NUP153: variants seen among roughly 807,000 people sequenced by gnomAD.
NUP153 encodes nuclear pore complex protein Nup153.
A neutral mutation model predicts 134.6 loss-of-function variants in NUP153; 27 were observed. The observed-to-expected ratio is 0.20, with a 90% CI of 0.15 to 0.28. The LOEUF is 0.28. NUP153 is among the 10% of genes least tolerant of loss of function. The pLI, the probability that NUP153 is intolerant of heterozygous loss-of-function variation, is 1.00. For synonymous variants in NUP153, 640 were observed against 623.5 expected, an observed-to-expected ratio of 1.03 and a Z score of -0.40; for missense variants, 1,821 against 1,731.3, an observed-to-expected ratio of 1.05 and a Z score of -0.92.
chr6:17,672,311 T>C (rs1767964622), intron 5 of NUP153, among the ~76,000 whole-genome samples: 1 of 152,040 alleles, frequency 6.6e-6, no homozygotes, highest in Non-Finnish European at 1.5e-5. Context: ...GGCCTGGTGG[T>C]TCATGCTTGT....
intron 18 of NUP153, 28 bp from the exon 19 acceptor site, chr6:17,626,192 A>G (rs971179161): frequency 3.2e-6 from 5 of 1,549,202 alleles, no homozygotes; most frequent in Non-Finnish European, 3.5e-6. Context: ...AGAAACAAAC[A>G]TAAATCCTTA....
chr6:17,682,913 C>T lies in NUP153; in HGVS notation c.334+5483G>A, dbSNP rs557674649. 6.5e-5 allele frequency among the ~76,000 whole-genome samples: 6 copies of T among 92,634 alleles called. No homozygotes were observed. In the East Asian group the frequency reaches 1.8e-3, roughly 28 times the overall value. The allele number at this position is 92,634 out of a possible 152,430, so 60.8% of individuals were successfully genotyped here. A position where few individuals can be genotyped will look rare whatever the true frequency, so the allele number is the denominator to read the frequency against. On this transcript the variant is annotated intron_variant, in intron 2 of 21. Transcript: ENST00000262077. ...AGAGTGGGTGACAGAGCAAGACTGT[C>T]TCAAAAAAGAAGAAAAAAAAAAAAA...
At chr6:17,649,110 T>C (rs2113799415) in intron 12 of NUP153, 53 bp downstream of exon 12, 9 of 1,479,620 alleles carry the variant, frequency 6.1e-6, no homozygotes, top group Middle Eastern at 1.8e-4. Flanking sequence ...TTTTTTTAAA[T>C]AAAGAATTAA....
At chr6:17,624,209 G>A (rs1434917283) in intron 20 of NUP153, among the ~76,000 whole-genome samples, 2 of 152,068 alleles carry the variant, frequency 1.3e-5, no homozygotes, top group Non-Finnish European at 2.9e-5. Flanking sequence ...TGGACCTGGG[G>A]GTAACTTCCT....
chr6:17,669,333 G>A lies in NUP153; in HGVS notation c.974C>T (p.Ala325Val), dbSNP rs748725398. Residue 325 changes from alanine to valine, a missense_variant, in exon 7 of 22, where the codon GCA becomes GTA. Transcript: ENST00000262077. Reference sequence around the variant, plus strand: ...AGAAACAATGGATGGAATTCTTTTTGCATCCTGTTAAAGTTGAAAAAATAA... The same window carrying A: ...AGAAACAATGGATGGAATTCTTTTTACATCCTGTTAAAGTTGAAAAAATAA... ...LEKMSSPLAD[A>V]KRIPSIVSSP... The A allele has an allele frequency of 2.5e-6, 4 of 1,608,418 alleles. No individual in the cohort carries two copies. In the African/African-American group the frequency reaches 5.4e-5, roughly 22 times the overall value.
rs1768532764 is a variant in NUP153, at chr6:17,680,817, T to C, written c.335-5047A>G. ...GAGAAAGGAGAATCCTTGTACACTG[T>C]TGTTGGTGGGAATTATCAATTAGTA... On this transcript the variant is annotated intron_variant, in intron 2 of 21. Transcript: ENST00000262077. The surrounding 1 kb of genome is among the most constrained non-coding windows in gnomAD (Gnocchi z 4.5). Among the ~76,000 whole-genome samples, 1 of 152,208 alleles carries C rather than the reference T, an allele frequency of 6.6e-6. No individual in the cohort carries two copies. The highest frequency in any genetic ancestry group is 2.4e-5 in the African/African-American group (1 of 41,458).
chr6:17,645,731 T>C (rs935739615), intron 14 of NUP153, among the ~76,000 whole-genome samples: 1 of 152,194 alleles, frequency 6.6e-6, no homozygotes, highest in African/African-American at 2.4e-5. Flanking sequence ...ACTACAACTA[T>C]AATGTAGACA....
intron 14 of NUP153, among the ~76,000 whole-genome samples, chr6:17,643,590 C>T (rs931560440): frequency 1.3e-5 from 2 of 152,168 alleles, no homozygotes; most frequent in African/African-American, 2.4e-5. Context: ...TAGTAATTTA[C>T]GGTAAAATGT....
rs1767102170 is a variant in NUP153, at chr6:17,660,292, AT to A, written c.1395+1360del. Among the ~76,000 whole-genome samples the A allele has an allele frequency of 2.0e-5, 3 of 152,212 alleles. No homozygotes were observed. The South Asian group carries it at 6.2e-4, about 32-fold the overall frequency. On this transcript the variant is annotated intron_variant, in intron 11 of 21. Transcript: ENST00000262077. Reference sequence around the variant, plus strand: ...ATATACTCCTAAAACTCATTGGTCAATGAGGGAGTCACTGGTGAAATTTTAA... The same window carrying A: ...ATATACTCCTAAAACTCATTGGTCAAGAGGGAGTCACTGGTGAAATTTTAA...
intron 2 of NUP153, among the ~76,000 whole-genome samples, chr6:17,684,282 G>T (rs770448969): frequency 3.3e-5 from 5 of 152,174 alleles, no homozygotes; most frequent in Non-Finnish European, 7.3e-5. Flanking sequence ...AAATCTTCTG[G>T]ATAACTTATT....
At chr6:17,663,260 C>CAT (rs1554141763) in intron 9 of NUP153, among the ~76,000 whole-genome samples, 3,172 of 140,036 alleles carry the variant, frequency 0.023, 40 homozygotes, top group Middle Eastern at 0.039. Context: ...CACACACACA[C>CAT]ATATATATAT....
At chr6:17,641,808 C>A (rs566417688) in intron 14 of NUP153, among the ~76,000 whole-genome samples, 27 of 150,924 alleles carry the variant, frequency 1.8e-4, no homozygotes, top group Admixed American at 1.6e-3. Flanking sequence ...AACGAGCTTG[C>A]ACAACTGCAC....
chr6:17,647,162 G>A (rs1766242477), intron 13 of NUP153, among the ~76,000 whole-genome samples: 1 of 152,106 alleles, frequency 6.6e-6, no homozygotes, highest in Non-Finnish European at 1.5e-5. Context: ...ACTTGTGTCA[G>A]AAGACAAGGA....
chr6:17,654,588 G>A (rs528655968), intron 11 of NUP153, among the ~76,000 whole-genome samples: 1 of 152,064 alleles, frequency 6.6e-6, no homozygotes, highest in Non-Finnish European at 1.5e-5. Flanking sequence ...CGAAAGTGCT[G>A]CGATTACAGG....
chr6:17,679,998 C>T (rs568506403), intron 2 of NUP153, among the ~76,000 whole-genome samples: 1 of 152,292 alleles, frequency 6.6e-6, no homozygotes, highest in East Asian at 1.9e-4. Context: ...GTACCCTACC[C>T]TGCAGGTGCT....
intron 2 of NUP153, among the ~76,000 whole-genome samples, chr6:17,676,525 C>T (rs932301281): frequency 6.6e-6 from 1 of 152,048 alleles, no homozygotes; most frequent in Non-Finnish European, 1.5e-5. Flanking sequence ...CAGAATTTGT[C>T]TTCAGAGGCA....
chr6:17,655,556 C>A (rs949035536), intron 11 of NUP153, among the ~76,000 whole-genome samples: 1 of 151,600 alleles, frequency 6.6e-6, no homozygotes, highest in Non-Finnish European at 1.5e-5. Flanking sequence ...CAGGTTCAAG[C>A]GATTCTTCTG....
At chr6:17,686,246 A>G (rs941082355) in intron 2 of NUP153, among the ~76,000 whole-genome samples, 1 of 152,182 alleles carries the variant, frequency 6.6e-6, no homozygotes, top group African/African-American at 2.4e-5. Flanking sequence ...CATTGTTATC[A>G]TAGGAGATGA....
chr6:17,645,694 G>A (rs933796795), intron 14 of NUP153, among the ~76,000 whole-genome samples: 1 of 152,092 alleles, frequency 6.6e-6, no homozygotes, highest in African/African-American at 2.4e-5. Context: ...CTTGTGAACT[G>A]AAAGGTAAAA....
Sources: allele counts gnomAD v4.1 joint callset (sites outside exome capture counted in the v4.1 genomes callset), GRCh38; gene constraint gnomAD v4.1.1; non-coding constraint Gnocchi (gnomAD v3.1); transcripts MANE v1.5; gene names NCBI Gene and HGNC (gene_info 2026-07-23, HGNC 2026-07-21).